The following GRM7 variants were observed in gnomAD, a reference collection of about 807,000 sequenced individuals.
The protein encoded by GRM7 is metabotropic glutamate receptor 7.
A neutral mutation model predicts 84.5 loss-of-function variants in GRM7; 35 were observed. The ratio of observed to expected loss-of-function variants is 0.41; its 90% CI spans 0.32 to 0.55. The LOEUF (loss-of-function observed/expected upper bound fraction) is 0.55. Among genes scored for constraint, GRM7 ranks in the 20% least tolerant of loss-of-function variants. GRM7 has a pLI of 0.19. For missense variants in GRM7, 1,003 were observed against 1,194.6 expected (o/e 0.84, Z 2.36); for synonymous variants, 487 against 455.1 (o/e 1.07, Z -0.89).
Position 7,421,388 on chromosome 3 carries a change from T to C in GRM7, c.1174+6225T>C, listed in dbSNP as rs1269342083. ...AGGTACAAATCTCAGATCATAAAATTGCTAGTGCAAAAAAATGAACTTTTG... is the reference window on the plus strand; with the variant it reads ...AGGTACAAATCTCAGATCATAAAATCGCTAGTGCAAAAAAATGAACTTTTG... On this transcript the variant is annotated intron_variant, in intron 5 of 9. Coordinates refer to ENST00000357716, the MANE Select transcript of GRM7 (RefSeq NM_000844.4). Among the ~76,000 whole-genome samples the C allele has an allele frequency of 4.6e-5, 7 of 152,150 alleles. No individual in the cohort carries two copies. The East Asian group carries it at 1.3e-3, about 29-fold the overall frequency.
At chr3:7,307,587 C>G (rs1470892178) in intron 4 of GRM7, among the ~76,000 whole-genome samples, 1 of 152,194 alleles carries the variant, frequency 6.6e-6, no homozygotes, top group Non-Finnish European at 1.5e-5. Context: ...GGTTGTGGTT[C>G]TGTCACTGTT....
chr3:6,978,845 C>G (rs990933186), intron 1 of GRM7, among the ~76,000 whole-genome samples: 1 of 152,024 alleles, frequency 6.6e-6, no homozygotes, highest in African/African-American at 2.4e-5. Flanking sequence ...AGGCAGACTT[C>G]CAAATACTTC....
Position 7,462,284 on chromosome 3 carries a change from C to G in GRM7, c.1515+562C>G, listed in dbSNP as rs113430219. Among the ~76,000 whole-genome samples the G allele has an allele frequency of 5.6e-3, 848 of 152,248 alleles. 11 individuals carry two copies. The highest frequency in any genetic ancestry group is 0.019 in the African/African-American group (791 of 41,544). ...GCCAATGTCCCAGCTCCAAAACAAT[C>G]CAAAAATTCTCTCTTAGCCTTTTTG... On this transcript the variant is annotated intron_variant, in intron 7 of 9. Transcript: ENST00000357716.
At chr3:6,910,028 A>C (rs1516567) in intron 1 of GRM7, among the ~76,000 whole-genome samples, 11,265 of 152,188 alleles carry the variant, frequency 0.074, 571 homozygotes, top group Non-Finnish European at 0.11. Context: ...GATTTTATCT[A>C]TATAAGATAC....
chr3:7,509,062 T>G (rs2124974696), intron 7 of GRM7, among the ~76,000 whole-genome samples: 1 of 152,306 alleles, frequency 6.6e-6, no homozygotes. Context: ...TGGGCTGTAC[T>G]GCTTCATCCC....
intron 7 of GRM7, among the ~76,000 whole-genome samples, chr3:7,570,138 G>T (rs1694572618): frequency 6.6e-6 from 1 of 152,114 alleles, no homozygotes; most frequent in Admixed American, 6.5e-5. Flanking sequence ...AAATTGTGGG[G>T]TTTACAATTC....
Position 7,259,953 on chromosome 3 carries a change from G to GTTTTTGTTTTTT in GRM7, c.737-38726_737-38725insGTTTTTTTTTTT, listed in dbSNP as rs1410445564. Among the ~76,000 whole-genome samples the GTTTTTGTTTTTT allele has an allele frequency of 9.2e-3, 826 of 89,650 alleles. 20 individuals are homozygous for GTTTTTGTTTTTT. The highest frequency in any genetic ancestry group is 0.012 in the Admixed American group (93 of 7,554). 58.8% of individuals were successfully genotyped at this position (89,650 alleles called of 152,430 possible). On this transcript the variant is annotated intron_variant, in intron 2 of 9. Transcript: ENST00000357716. ...TTTCTCTGCAACCTTACCAGCATCT[G>GTTTTTGTTTTTT]TTTTTTTTTTTTGACGTTTTAATAA...
chr3:7,343,354 C>T (rs1367722131), intron 4 of GRM7, among the ~76,000 whole-genome samples: 4 of 152,090 alleles, frequency 2.6e-5, no homozygotes, highest in Admixed American at 6.6e-5. Context: ...CTGCCTCAGC[C>T]TCCTGAGTAG....
At chr3:7,569,137 G>A (rs1472656438) in intron 7 of GRM7, among the ~76,000 whole-genome samples, 1 of 152,172 alleles carries the variant, frequency 6.6e-6, no homozygotes, top group Non-Finnish European at 1.5e-5. Context: ...TCTGTATCTA[G>A]CTCAAGGTTT....
intron 2 of GRM7, among the ~76,000 whole-genome samples, chr3:7,191,411 TG>T (rs1024049364): frequency 1.3e-5 from 2 of 152,062 alleles, no homozygotes; most frequent in Non-Finnish European, 2.9e-5. Flanking sequence ...ATCCCACCCC[TG>T]GGTGTTTATG....
rs553672235 is a variant in GRM7, at chr3:7,485,957, G to T, written c.1515+24235G>T. Among the ~76,000 whole-genome samples, 539 of 152,228 alleles carry T rather than the reference G, an allele frequency of 3.5e-3. 2 individuals carry two copies. The highest frequency in any genetic ancestry group is 0.012 in the African/African-American group (480 of 41,540). On this transcript the variant is annotated intron_variant, in intron 7 of 9. Transcript: ENST00000357716. Reference sequence around the variant, plus strand: ...TAGCTGACAGAAGCTGTAACTTAAGGTGCCTTTAACATATTAAGACATAAA... The same window carrying T: ...TAGCTGACAGAAGCTGTAACTTAAGTTGCCTTTAACATATTAAGACATAAA...
chr3:6,885,089 G>A (rs1043036318), intron 1 of GRM7, among the ~76,000 whole-genome samples: 2 of 152,098 alleles, frequency 1.3e-5, no homozygotes, highest in South Asian at 4.1e-4. Context: ...TTAAGTGAAG[G>A]TTCTATACAC....
intron 1 of GRM7, among the ~76,000 whole-genome samples, chr3:6,931,951 T>G (rs1046559968): frequency 1.2e-4 from 19 of 152,166 alleles, no homozygotes; most frequent in African/African-American, 4.6e-4. Flanking sequence ...TATGATGCAA[T>G]GAGACAAAAG....
rs1464540219 is a variant in GRM7 at position 6,879,439 on chromosome 3, T to C, written c.519+17532T>C. Among the ~76,000 whole-genome samples the C allele has an allele frequency of 1.3e-5, 2 of 152,218 alleles. 1 individual carries two copies. Among genetic ancestry groups the C allele is most frequent in the Non-Finnish European group, 2.9e-5 (2 of 68,030 alleles). ...ATTTATTCTCTTATTTTGAAAGATA[T>C]AACACACTACACCCTTACCTGTTCT... On this transcript the variant is annotated intron_variant, in intron 1 of 9. Transcript: ENST00000357716.
chr3:7,412,446 C>G (rs1042942945), intron 4 of GRM7, among the ~76,000 whole-genome samples: 7 of 152,134 alleles, frequency 4.6e-5, no homozygotes, highest in African/African-American at 1.4e-4. Flanking sequence ...CTTGCAAGAG[C>G]TTTTACTCTC....
At chr3:7,414,734 A>G (rs1356803020) in intron 4 of GRM7, among the ~76,000 whole-genome samples, 2 of 152,132 alleles carry the variant, frequency 1.3e-5, no homozygotes, top group Admixed American at 6.6e-5. Context: ...AGAATGTGGC[A>G]TAATGGTTGA....
At chr3:6,966,153 T>A (rs1693509856) in intron 1 of GRM7, among the ~76,000 whole-genome samples, 1 of 152,220 alleles carries the variant, frequency 6.6e-6, no homozygotes, top group East Asian at 1.9e-4. Context: ...TGTGACTCCA[T>A]CAGTATGAGC....
intron 1 of GRM7, among the ~76,000 whole-genome samples, chr3:7,135,645 A>G (rs1387451531): frequency 6.6e-6 from 1 of 152,146 alleles, no homozygotes; most frequent in Admixed American, 6.6e-5. Context: ...CAATGTGTTT[A>G]TAATACAAAG....
intron 4 of GRM7, among the ~76,000 whole-genome samples, chr3:7,414,133 T>C (rs1465270919): frequency 1.3e-5 from 2 of 152,206 alleles, no homozygotes; most frequent in Admixed American, 6.5e-5. Flanking sequence ...GTAATGATTA[T>C]TCCATTTTTA....
Sources: allele counts gnomAD v4.1 joint callset (sites outside exome capture counted in the v4.1 genomes callset), GRCh38; gene constraint gnomAD v4.1.1; transcripts MANE v1.5; gene names NCBI Gene and HGNC (gene_info 2026-07-23, HGNC 2026-07-21).